The following NELL1 variants were observed in gnomAD, a reference collection of about 807,000 sequenced individuals.
NELL1 encodes neural EGFL like 1, also known as protein kinase C-binding protein NELL1.
NELL1 carries 76 observed loss-of-function variants against 107.4 expected under a neutral mutation model. The observed-to-expected ratio is 0.71, with a 90% CI of 0.59 to 0.86. The LOEUF is 0.86. NELL1 is among the 40% of genes least tolerant of loss of function. The probability of loss-of-function intolerance (pLI) is 0.00; values close to 1 mark genes in which losing one functional copy is unlikely to be tolerated. For missense variants in NELL1, 1,024 were observed against 1,005.5 expected, an observed-to-expected ratio of 1.02 and a Z score of -0.25; for synonymous variants, 353 against 341.2, an observed-to-expected ratio of 1.03 and a Z score of -0.38.
At chr11:21,437,964 GTT>G (rs781564446) in intron 15 of NELL1, among the ~76,000 whole-genome samples, 24 of 152,120 alleles carry the variant, frequency 1.6e-4, no homozygotes, top group Non-Finnish European at 3.1e-4. Flanking sequence ...TTTTGTGTAT[GTT>G]TTGTTGCTTT....
chr11:20,939,469 G>C (rs949047785), intron 10 of NELL1, among the ~76,000 whole-genome samples: 2 of 152,024 alleles, frequency 1.3e-5, no homozygotes, highest in Non-Finnish European at 2.9e-5. Flanking sequence ...GCTGTGATGA[G>C]TGACTTTCAA....
rs535652984 is a variant in NELL1 at position 21,246,830 on chromosome 11, C to T, written c.1549+17376C>T. On this transcript the variant is annotated intron_variant, in intron 14 of 19. Coordinates refer to ENST00000357134, the MANE Select transcript of NELL1 (RefSeq NM_006157.5). ...ATCATGGCAAAAGGCAAAAGGCACA[C>T]CTTACATGGTGGCAAGCCAGAGAGG... Among the ~76,000 whole-genome samples, 6 of 152,206 alleles carry T rather than the reference C, an allele frequency of 3.9e-5. No individual in the cohort carries two copies. The East Asian group carries it at 1.2e-3, about 30-fold the overall frequency.
intron 18 of NELL1, 126 bp from the exon 19 acceptor site, chr11:21,573,059 C>T (rs746990565): frequency 4.2e-6 from 3 of 719,648 alleles, no homozygotes; most frequent in South Asian, 3.6e-5. Flanking sequence ...GTACTTTATC[C>T]TCAATGGTGT....
intron 12 of NELL1, among the ~76,000 whole-genome samples, chr11:21,016,492 C>T (rs184967054): frequency 2.6e-5 from 4 of 152,164 alleles, no homozygotes; most frequent in Admixed American, 2.6e-4. Flanking sequence ...CCACACGTAC[C>T]CTTTGTTCTA....
chr11:21,173,235 A>G (rs530749915), intron 13 of NELL1, among the ~76,000 whole-genome samples: 1 of 151,890 alleles, frequency 6.6e-6, no homozygotes, highest in African/African-American at 2.4e-5. Flanking sequence ...ACGTGACGGT[A>G]GGAGGCAAAG....
At chr11:21,366,913 T>A (rs2133747187) in intron 14 of NELL1, among the ~76,000 whole-genome samples, 1 of 152,264 alleles carries the variant, frequency 6.6e-6, no homozygotes, top group Non-Finnish European at 1.5e-5. Flanking sequence ...GGGCTATTAC[T>A]TTTTATTAGT....
chr11:21,260,644 C>A (rs1848509466), intron 14 of NELL1: 1 of 151,794 alleles, frequency 6.6e-6, no homozygotes, highest in Admixed American at 6.6e-5. Context: ...GCAGGTGACC[C>A]AGCAGACTAA....
At chr11:20,791,061 C>T (rs1463838122) in intron 3 of NELL1, among the ~76,000 whole-genome samples, 1 of 151,974 alleles carries the variant, frequency 6.6e-6, no homozygotes, top group Non-Finnish European at 1.5e-5. Context: ...ATTCTATTTC[C>T]CTTGGATTTT....
intron 12 of NELL1, among the ~76,000 whole-genome samples, chr11:21,037,598 T>G (rs2134326292): frequency 6.6e-6 from 1 of 152,294 alleles, no homozygotes; most frequent in South Asian, 2.1e-4. Flanking sequence ...ATTTAAGGAT[T>G]TAATTTTCCA....
chr11:21,343,715 C>T (rs1565178904), intron 14 of NELL1, among the ~76,000 whole-genome samples: 1 of 152,156 alleles, frequency 6.6e-6, no homozygotes, highest in East Asian at 1.9e-4. Context: ...AATTAATGAG[C>T]TTCACTGTGG....
chr11:21,344,333 G>A (rs1355360251), intron 14 of NELL1, among the ~76,000 whole-genome samples: 1 of 152,160 alleles, frequency 6.6e-6, no homozygotes, highest in Non-Finnish European at 1.5e-5. Context: ...AAGAAATCAG[G>A]CAGCAGAGAG....
At chr11:20,902,892 T>C (rs766142532) in intron 5 of NELL1, among the ~76,000 whole-genome samples, 1 of 151,980 alleles carries the variant, frequency 6.6e-6, no homozygotes, top group Non-Finnish European at 1.5e-5. Flanking sequence ...AAATGCAAGA[T>C]AATTCCATAT....
At chr11:21,535,699 C>G (rs961826980) in intron 16 of NELL1, among the ~76,000 whole-genome samples, 1 of 152,108 alleles carries the variant, frequency 6.6e-6, no homozygotes, top group Non-Finnish European at 1.5e-5. Flanking sequence ...TTTCAGCTAT[C>G]TCATCTGTGA....
chr11:20,935,047 C>T (rs890116923), intron 9 of NELL1, among the ~76,000 whole-genome samples: 1 of 152,014 alleles, frequency 6.6e-6, no homozygotes, highest in Non-Finnish European at 1.5e-5. Context: ...TTTTTTGCCA[C>T]CTACTAGAGG....
chr11:21,575,021 G>A lies in NELL1; in HGVS notation c.2432G>A (p.Ter811=). ...SVDFECLQNN[*] ...GATTTTGAGTGTCTTCAAAATAATT[G>A]AAGTATTTACAGTGGACTCAACGCA... is the stretch of plus-strand genomic sequence containing the variant. Residue 811 remains the stop codon, a stop_retained_variant, in exon 20 of 20, where the codon TGA becomes TAA. Coordinates refer to ENST00000357134, the MANE Select transcript of NELL1 (RefSeq NM_006157.5). 1 of 1,608,994 alleles carries A rather than the reference G, an allele frequency of 6.2e-7. No individual in the cohort carries two copies. Among genetic ancestry groups the A allele is most frequent in the Non-Finnish European group, 8.5e-7 (1 of 1,176,262 alleles).
chr11:21,225,471 G>A (rs371795203), intron 13 of NELL1, among the ~76,000 whole-genome samples: 21 of 152,154 alleles, frequency 1.4e-4, no homozygotes, highest in East Asian at 1.9e-4. Flanking sequence ...AATTGATACC[G>A]GGTGCTTTGC....
At chr11:20,686,800 C>G (rs1023860405) in intron 2 of NELL1, among the ~76,000 whole-genome samples, 6 of 152,128 alleles carry the variant, frequency 3.9e-5, no homozygotes, top group Non-Finnish European at 7.3e-5. Flanking sequence ...TCTCCCCTTT[C>G]AGTGCCCTCT....
chr11:21,567,877 A>G (rs550483046), intron 17 of NELL1, among the ~76,000 whole-genome samples: 1 of 151,996 alleles, frequency 6.6e-6, no homozygotes, highest in African/African-American at 2.4e-5. Flanking sequence ...CAACAGAGAT[A>G]AACATCAAGT....
intron 3 of NELL1, among the ~76,000 whole-genome samples, chr11:20,831,056 A>G (rs1857998528): frequency 6.6e-6 from 1 of 152,216 alleles, no homozygotes; most frequent in Non-Finnish European, 1.5e-5. Flanking sequence ...AAACTCTCTC[A>G]GAGAAAGTTT....
Sources: gnomAD v4.1 joint callset for allele counts (sites outside exome capture counted in the v4.1 genomes callset) on GRCh38, gnomAD v4.1.1 for gene constraint, MANE v1.5 for transcripts, NCBI Gene and HGNC (gene_info 2026-07-23, HGNC 2026-07-21) for gene names.